PLCE1: variants seen among roughly 807,000 people sequenced by gnomAD.
PLCE1 encodes the protein phospholipase C epsilon 1, also known as 1-phosphatidylinositol 4,5-bisphosphate phosphodiesterase epsilon-1.
In PLCE1, 119 loss-of-function variants were observed where a neutral mutation model predicts 242.8. The ratio of observed to expected loss-of-function variants is 0.49; its 90% CI spans 0.42 to 0.57. PLCE1 has a LOEUF of 0.57. Ranked by LOEUF, PLCE1 falls within the 20% of genes least tolerant of loss-of-function variation. The pLI is 0.00. For synonymous variants in PLCE1, 945 were observed against 1,017.4 expected (o/e 0.93, Z 1.35); for missense variants, 2,441 against 2,788.8 (o/e 0.88, Z 2.81).
intron 2 of PLCE1, among the ~76,000 whole-genome samples, chr10:94,067,096 T>C (rs555369307): frequency 1.3e-5 from 2 of 152,312 alleles, no homozygotes; most frequent in African/African-American, 4.8e-5. Context: ...CTATCTCTGC[T>C]TCTGATTTTC....
chr10:94,107,684 G>A (rs2045802991), intron 2 of PLCE1: 1 of 151,958 alleles, frequency 6.6e-6, no homozygotes, highest in Admixed American at 6.6e-5. Context: ...ATTGGAGTTA[G>A]GATGCTTGGA....
At chr10:94,188,928 T>C (rs890205555) in intron 4 of PLCE1, among the ~76,000 whole-genome samples, 26 of 151,610 alleles carry the variant, frequency 1.7e-4, no homozygotes, top group African/African-American at 6.3e-4. Context: ...TGATAGACAT[T>C]CCTAGAGTAG....
intron 8 of PLCE1, among the ~76,000 whole-genome samples, chr10:94,250,143 A>C (rs1219535817): frequency 6.6e-6 from 1 of 151,544 alleles, no homozygotes; most frequent in Non-Finnish European, 1.5e-5. Flanking sequence ...AAAAAAAAAA[A>C]AAAAAAACTG....
At chr10:94,279,553 G>A (rs962595705) in intron 19 of PLCE1, 18 of 567,304 alleles carry the variant, frequency 3.2e-5, no homozygotes, top group Non-Finnish European at 5.0e-5. Flanking sequence ...ACAGTCTTCT[G>A]GAGATTGTTT....
intron 22 of PLCE1, among the ~76,000 whole-genome samples, chr10:94,289,141 C>T (rs185841036): frequency 2.6e-5 from 4 of 152,234 alleles, no homozygotes; most frequent in Admixed American, 6.5e-5. Flanking sequence ...GAGAGGTAGC[C>T]CTGTTCACTG....
intron 4 of PLCE1, among the ~76,000 whole-genome samples, chr10:94,200,362 C>T (rs1590231815): frequency 6.6e-6 from 1 of 152,270 alleles, no homozygotes; most frequent in Middle Eastern, 3.4e-3. Flanking sequence ...TCAACGGAAA[C>T]ACAAGTGATG....
chr10:94,132,424 C>T lies in PLCE1; in HGVS notation c.1457C>T (p.Thr486Ile), dbSNP rs773950474. 5 of 1,614,092 alleles carry T rather than the reference C, an allele frequency of 3.1e-6. No individual in the cohort carries two copies. In the South Asian group the frequency reaches 4.4e-5, roughly 14 times the overall value. Residue 486 changes from threonine to isoleucine, a missense_variant, in exon 3 of 33, where the codon ACT becomes ATT. Physicochemically the swap from Thr to Ile is moderately conservative, Grantham distance 89. Coordinates refer to ENST00000371380, the MANE Select transcript of PLCE1 (RefSeq NM_016341.4). ...GGAGCAAGAAGTGGCCTTCTCAGTA[C>T]TTTTGGAGGATCCACTGGACGAATG... is the stretch of plus-strand genomic sequence containing the variant. ...SLGARSGLLSTFGGSTGRMML... is the reference protein window; with the variant it reads ...SLGARSGLLSIFGGSTGRMML...
At chr10:94,238,420 G>T (rs1264076614) in intron 7 of PLCE1, among the ~76,000 whole-genome samples, 1 of 152,206 alleles carries the variant, frequency 6.6e-6, no homozygotes, top group African/African-American at 2.4e-5. Flanking sequence ...AAACAGTAGA[G>T]CCGGGTCATG....
At chr10:94,073,311 T>C (rs2044413603) in intron 2 of PLCE1, among the ~76,000 whole-genome samples, 2 of 152,166 alleles carry the variant, frequency 1.3e-5, no homozygotes. Flanking sequence ...TGAGCAAACA[T>C]GTTTTGAATT....
At chr10:94,019,466 C>G (rs1204989183) in intron 1 of PLCE1, among the ~76,000 whole-genome samples, 1 of 152,224 alleles carries the variant, frequency 6.6e-6, no homozygotes, top group African/African-American at 2.4e-5. Flanking sequence ...TCCACCCTCC[C>G]CATCACCCAC....
At chr10:94,153,296 T>A (rs906489696) in intron 3 of PLCE1, among the ~76,000 whole-genome samples, 2 of 152,062 alleles carry the variant, frequency 1.3e-5, no homozygotes, top group African/African-American at 4.8e-5. Context: ...ATATATCATA[T>A]GAATAGAACA....
chr10:94,018,292 C>A (rs536222731), intron 1 of PLCE1, among the ~76,000 whole-genome samples: 17 of 152,296 alleles, frequency 1.1e-4, no homozygotes, highest in African/African-American at 3.8e-4. Flanking sequence ...TCTCTTCCCC[C>A]TCGTTGCCAG....
chr10:94,301,184 A>G (rs950426509), intron 24 of PLCE1, among the ~76,000 whole-genome samples: 1 of 152,034 alleles, frequency 6.6e-6, no homozygotes, highest in Non-Finnish European at 1.5e-5. Flanking sequence ...ATCTGTACTG[A>G]AATACAAAAA....
chr10:94,029,884 A>T (rs2061523344), intron 1 of PLCE1, among the ~76,000 whole-genome samples: 1 of 152,168 alleles, frequency 6.6e-6, no homozygotes, highest in South Asian at 2.1e-4. Flanking sequence ...TATGCTCATC[A>T]TGGGCACCTT....
chr10:94,132,848 G>A (rs1276800206), intron 3 of PLCE1, among the ~76,000 whole-genome samples: 1 of 151,490 alleles, frequency 6.6e-6, no homozygotes, highest in Non-Finnish European at 1.5e-5. Context: ...TACTCGGGAG[G>A]CTGAGGCAGG....
At position 94,132,307 on chromosome 10, in the gene PLCE1, GA is replaced by G. The variant is rs752455115; in HGVS notation, c.1341del (p.Asp448ThrfsTer24). 23 of 1,613,880 alleles carry G rather than the reference GA, an allele frequency of 1.4e-5. 1 individual carries two copies. The South Asian group carries it at 2.4e-4, about 17-fold the overall frequency. On this transcript the variant is annotated frameshift_variant, in exon 3 of 33. Coordinates refer to ENST00000371380, the MANE Select transcript of PLCE1 (RefSeq NM_016341.4). LOFTEE classifies it high-confidence loss of function. The part of the protein sequence containing the change: ...SVGPCLKQCV[R>X]DTVCEYRATL... Reference sequence around the variant, plus strand: ...GGTCCATGCTTAAAGCAATGTGTCCGAGACACTGTATGTGAGTATCGCGCCA... The same window carrying G: ...GGTCCATGCTTAAAGCAATGTGTCCGGACACTGTATGTGAGTATCGCGCCA...
chr10:94,045,440 C>G (rs551526972), intron 2 of PLCE1, among the ~76,000 whole-genome samples: 30 of 152,220 alleles, frequency 2.0e-4, no homozygotes, highest in Admixed American at 1.2e-3. Context: ...CTGGCCTGGC[C>G]CATCTTCTAT....
chr10:94,257,765 C>T (rs1333353150), intron 11 of PLCE1, among the ~76,000 whole-genome samples: 1 of 152,062 alleles, frequency 6.6e-6, no homozygotes, highest in Non-Finnish European at 1.5e-5. Flanking sequence ...ACACCAGGGC[C>T]TGTTGTGGGG....
At chr10:94,114,244 C>A (rs546416744) in intron 2 of PLCE1, among the ~76,000 whole-genome samples, 5 of 152,200 alleles carry the variant, frequency 3.3e-5, no homozygotes, top group African/African-American at 9.6e-5. Context: ...AGTCTATTGT[C>A]CCCTGACCTC....
Sources: allele counts gnomAD v4.1 joint callset (sites outside exome capture counted in the v4.1 genomes callset), GRCh38; gene constraint gnomAD v4.1.1; transcripts MANE v1.5; gene names NCBI Gene and HGNC (gene_info 2026-07-23, HGNC 2026-07-21).